The following ZNF540 variants were observed in gnomAD, a reference collection of about 807,000 sequenced individuals.
The protein encoded by ZNF540 is CTD-3064H18.6.
In ZNF540, 3 loss-of-function variants were observed where a neutral mutation model predicts 11.8. The observed-to-expected ratio is 0.25, with a 90% CI of 0.12 to 0.65. ZNF540 has a LOEUF of 0.65. ZNF540 is among the 30% of genes least tolerant of loss of function. The pLI is 0.83. For missense variants in ZNF540, 709 were observed against 793.1 expected, an observed-to-expected ratio of 0.89 and a Z score of 1.27; for synonymous variants, 247 against 259.0, an observed-to-expected ratio of 0.95 and a Z score of 0.45.
chr19:37,571,557 T>C (rs1451439644), intron 1 of ZNF540, among the ~76,000 whole-genome samples: 1 of 152,104 alleles, frequency 6.6e-6, no homozygotes, highest in African/African-American at 2.4e-5. Flanking sequence ...AGCCAAACCA[T>C]ACACAAGGTT....
intron 1 of ZNF540, among the ~76,000 whole-genome samples, chr19:37,571,428 G>A (rs2043047669): frequency 6.6e-6 from 1 of 150,914 alleles, no homozygotes; most frequent in African/African-American, 2.4e-5. Context: ...CCCAGGAAGT[G>A]GAGGTTGCAG....
At chr19:37,577,557 TAAC>T (rs1448787791) in intron 1 of ZNF540, among the ~76,000 whole-genome samples, 10 of 152,150 alleles carry the variant, frequency 6.6e-5, no homozygotes, top group Non-Finnish European at 1.0e-4. Flanking sequence ...TGTAATGAAT[TAAC>T]AACAATTTTA....
chr19:37,553,908 T>C (rs1056721683), intron 1 of ZNF540, among the ~76,000 whole-genome samples: 4 of 152,238 alleles, frequency 2.6e-5, no homozygotes, highest in African/African-American at 7.2e-5. Flanking sequence ...ATTTAACTTT[T>C]CTGTTAATTT....
intron 1 of ZNF540, among the ~76,000 whole-genome samples, chr19:37,552,913 C>A (rs1314936954): frequency 6.6e-6 from 1 of 151,880 alleles, no homozygotes. Flanking sequence ...CACCACTGCA[C>A]TCCAGCCTGG....
At position 37,556,858 on chromosome 19, in the gene ZNF540, A is replaced by G. The variant is rs558313483; in HGVS notation, c.-73+5193A>G. Among the ~76,000 whole-genome samples, 33 of 152,286 alleles carry G rather than the reference A, an allele frequency of 2.2e-4. 1 individual carries two copies. Among genetic ancestry groups the G allele is most frequent in the Admixed American group, 2.0e-3 (31 of 15,302 alleles). ...CAATTTACACAAGTTTCTAAGATTAATTTTGTAAGAGTGTTTTTTAGGGTG... is the reference window on the plus strand; with the variant it reads ...CAATTTACACAAGTTTCTAAGATTAGTTTTGTAAGAGTGTTTTTTAGGGTG... On this transcript the variant is annotated intron_variant, in intron 1 of 4. Coordinates refer to the ZNF540 transcript ENST00000592533.
At chr19:37,591,295 C>T (rs975238568), upstream of ZNF540, among the ~76,000 whole-genome samples, 1 of 152,074 alleles carries the variant, frequency 6.6e-6, no homozygotes, top group East Asian at 1.9e-4. Flanking sequence ...TGCCAGAAAG[C>T]AAATAAGCTA....
chr19:37,553,132 TTTTTTTTTTTTTTTTTTTTG>T (rs1304963456), intron 1 of ZNF540, among the ~76,000 whole-genome samples: 17 of 88,608 alleles, frequency 1.9e-4, no homozygotes, highest in Admixed American at 7.4e-4. Context: ...TTTTTTTTTT[TTTTTTTTTTTTTTTTTTTTG>T]GAGACAGTCT....
chr19:37,605,319 G>C (rs1268436019), intron 4 of ZNF540, among the ~76,000 whole-genome samples: 1 of 151,774 alleles, frequency 6.6e-6, no homozygotes, highest in Admixed American at 6.6e-5. Context: ...AATTAGCTAG[G>C]CATGGTGGTA....
At chr19:37,566,294 G>A (rs2042856978) in intron 1 of ZNF540, 1 of 1,581,748 alleles carries the variant, frequency 6.3e-7, no homozygotes, top group African/African-American at 1.4e-5. Context: ...TTCCAAGTCT[G>A]TAGAATAAAA....
rs1269482563 is a variant in ZNF540, at chr19:37,613,108, A to C, written c.1828A>C (p.Lys610Gln). The change falls in exon 5 of 5, where the codon AAA (lysine) becomes CAA (glutamine). Residue 610 changes from lysine to glutamine, a missense_variant. By Grantham distance (53) the Lys-to-Gln change is moderately conservative. Coordinates refer to ENST00000316433, the MANE Select transcript of ZNF540 (RefSeq NM_001172225.3). ...IHTGEKPYEC[K>Q]QCGKAFRLNS... is the part of the protein sequence containing the mutation. ...TACTGGTGAGAAACCCTATGAGTGT[A>C]AACAATGTGGGAAGGCCTTTAGACT... is the stretch of plus-strand genomic sequence containing the variant. The C allele has an allele frequency of 6.2e-7, 1 of 1,613,918 alleles. No homozygotes were observed. Among genetic ancestry groups the C allele is most frequent in the Non-Finnish European group, 8.5e-7 (1 of 1,179,976 alleles).
At position 37,568,117 on chromosome 19, in the gene ZNF540, T is replaced by TG. The variant is rs142396290; in HGVS notation, c.-73+16453dup. Among the ~76,000 whole-genome samples, 240 of 152,286 alleles carry TG rather than the reference T, an allele frequency of 1.6e-3. 2 individuals are homozygous for TG. In the East Asian group the frequency reaches 0.024, roughly 15 times the overall value. Reference sequence around the variant, plus strand: ...CTTTTCAAATGCAGAGAAACCTATCTGATGTAACTGGATCAGCAGGCACAG... The same window carrying TG: ...CTTTTCAAATGCAGAGAAACCTATCTGGATGTAACTGGATCAGCAGGCACAG... On this transcript the variant is annotated intron_variant, in intron 1 of 4. Transcript: ENST00000592533.
Position 37,598,458 on chromosome 19 carries a change from TA to T in ZNF540, c.9+4del. 6.2e-7 allele frequency: 1 copy of T among 1,614,052 alleles called. No homozygotes were observed. The highest frequency in any genetic ancestry group is 8.5e-7 in the Non-Finnish European group (1 of 1,179,948). ...TGTGAGTGTAAAACCATGGCCCATG[TA>T]AGTCACAGTTTCTCTTTCCTTTTTA... On this transcript the variant is annotated splice_donor_region_variant and intron_variant, in intron 2 of 4. Coordinates refer to ENST00000316433, the MANE Select transcript of ZNF540 (RefSeq NM_001172225.3).
intron 4 of ZNF540, among the ~76,000 whole-genome samples, chr19:37,604,548 C>G (rs2044067956): frequency 1.3e-5 from 2 of 151,850 alleles, no homozygotes; most frequent in African/African-American, 4.8e-5. Context: ...ACCTTGTGAT[C>G]CGCCCGCCTC....
At chr19:37,563,893 A>ATTCTT (rs2042761612) in intron 1 of ZNF540, 1 of 152,134 alleles carries the variant, frequency 6.6e-6, no homozygotes, top group African/African-American at 2.4e-5. Context: ...TTGTTAAGAA[A>ATTCTT]TTCTTTTTCC....
At position 37,555,691 on chromosome 19, in the gene ZNF540, C is replaced by T. The variant is rs112362801; in HGVS notation, c.-73+4026C>T. ...TAGGGTCACCTAGATCAGTTAAAGG[C>T]CCGATTGGCTTGGGTGGGCTCCATG... On this transcript the variant is annotated intron_variant, in intron 1 of 4. Coordinates refer to the ZNF540 transcript ENST00000592533. The T allele has an allele frequency of 2.9e-3, 1,701 of 589,284 alleles. 21 individuals carry two copies. Among genetic ancestry groups the T allele is most frequent in the African/African-American group, 0.028 (1,525 of 53,618 alleles). 36.5% of individuals were successfully genotyped at this position (589,284 alleles called of 1,614,324 possible). A position where few individuals can be genotyped will look rare whatever the true frequency, so the allele number is the denominator to read the frequency against.
intron 1 of ZNF540, among the ~76,000 whole-genome samples, chr19:37,584,328 C>T (rs1412164422): frequency 1.3e-5 from 2 of 152,098 alleles, no homozygotes; most frequent in African/African-American, 4.8e-5. Flanking sequence ...ATTTAAAAAG[C>T]CAGATGTGTG....
At chr19:37,609,555 A>G (rs559518113) in intron 4 of ZNF540, among the ~76,000 whole-genome samples, 1 of 146,482 alleles carries the variant, frequency 6.8e-6, no homozygotes, top group African/African-American at 2.5e-5. Flanking sequence ...GGGGGGCAAA[A>G]AAAGTAGAGT....
Position 37,613,260 on chromosome 19 carries a change from TTAATA to T in ZNF540, c.*1_*5del, listed in dbSNP as rs1599594431. On this transcript the variant is annotated stop_retained_variant and 3_prime_UTR_variant, in exon 5 of 5. Transcript: ENST00000316433. ...AACATCAGAAAACTCATAATGTAAT[TTAATA>T]TAAGAAAAGGTTTCCATGTCATGCT... The T allele has an allele frequency of 2.0e-6, 3 of 1,485,340 alleles. No individual in the cohort carries two copies. The highest frequency in any genetic ancestry group is 1.5e-5 in the South Asian group (1 of 65,002). The allele number at this position is 1,485,340 out of a possible 1,614,324, so 92.0% of individuals were successfully genotyped here.
intron 1 of ZNF540, among the ~76,000 whole-genome samples, chr19:37,580,721 C>T (rs1271804737): frequency 6.6e-6 from 1 of 152,104 alleles, no homozygotes; most frequent in Non-Finnish European, 1.5e-5. Flanking sequence ...TCACCTTTCC[C>T]CTCTCACCAT....
Sources: gnomAD v4.1 joint callset for allele counts (sites outside exome capture counted in the v4.1 genomes callset) on GRCh38, gnomAD v4.1.1 for gene constraint, MANE v1.5 for transcripts, NCBI Gene and HGNC (gene_info 2026-07-23, HGNC 2026-07-21) for gene names.